The following CSMD1 variants were observed in gnomAD, a reference collection of about 807,000 sequenced individuals.
The protein encoded by CSMD1 is CUB and Sushi multiple domains 1, also known as CUB and sushi domain-containing protein 1.
In CSMD1, 213 loss-of-function variants were observed where a neutral mutation model predicts 417.5. The observed-to-expected ratio is 0.51, with a 90% CI of 0.46 to 0.57. The LOEUF (loss-of-function observed/expected upper bound fraction) is 0.57. Among genes scored for constraint, CSMD1 ranks in the 20% least tolerant of loss-of-function variants. The pLI, the probability that CSMD1 is intolerant of heterozygous loss-of-function variation, is 0.00. For missense variants in CSMD1, 6,923 were observed against 4,529.7 expected, an observed-to-expected ratio of 1.53 and a Z score of -15.17; for synonymous variants, 2,862 against 1,736.8, an observed-to-expected ratio of 1.65 and a Z score of -16.11.
chr8:3,299,804 AT>A (rs1269983983), intron 25 of CSMD1, among the ~76,000 whole-genome samples: 2 of 151,996 alleles, frequency 1.3e-5, no homozygotes, highest in Non-Finnish European at 2.9e-5. Context: ...TGTTTGGAAT[AT>A]TTTTTTTCTG....
At chr8:3,905,833 C>T (rs1808070982) in intron 5 of CSMD1, among the ~76,000 whole-genome samples, 1 of 152,182 alleles carries the variant, frequency 6.6e-6, no homozygotes, top group African/African-American at 2.4e-5. Context: ...CTGGGCCTGG[C>T]ATTCTAGTTC....
intron 9 of CSMD1, among the ~76,000 whole-genome samples, chr8:3,583,272 A>G (rs1800458429): frequency 6.6e-6 from 1 of 151,894 alleles, no homozygotes; most frequent in African/African-American, 2.4e-5. Context: ...AACTGCTTGG[A>G]CATGAGGTGT....
At chr8:3,318,314 C>T (rs1043784468) in intron 23 of CSMD1, among the ~76,000 whole-genome samples, 9 of 152,106 alleles carry the variant, frequency 5.9e-5, no homozygotes, top group African/African-American at 2.2e-4. Context: ...CTGTAGTTCT[C>T]TAATTGAGAA....
intron 2 of CSMD1, among the ~76,000 whole-genome samples, chr8:4,547,911 A>G (rs961312576): frequency 6.6e-6 from 1 of 152,224 alleles, no homozygotes; most frequent in African/African-American, 2.4e-5. Flanking sequence ...ATGACAAAAT[A>G]AAGGCCGAGA....
chr8:2,965,924 G>T lies in CSMD1; in HGVS notation c.9131C>A (p.Ala3044Glu), dbSNP rs1391496203. The T allele has an allele frequency of 1.7e-5, 27 of 1,608,936 alleles. No homozygotes were observed. The highest frequency in any genetic ancestry group is 2.1e-5 in the Non-Finnish European group (25 of 1,177,730). Residue 3044 changes from alanine (A) to glutamate (E), a missense_variant, in exon 59 of 70, where the codon GCA becomes GAA. Physicochemically the swap from Ala to Glu is moderately radical, Grantham distance 107 (BLOSUM62 -1). Coordinates refer to ENST00000635120, the MANE Select transcript of CSMD1 (RefSeq NM_033225.6). The stretch of plus-strand genomic sequence containing the variant: ...GTCGGTCCCAAACTGGATGCCATTT[G>T]CTAGTGTGCCTGGATCCCCACAACT... ...IISCGDPGTL[A>E]NGIQFGTDFT...
intron 5 of CSMD1, among the ~76,000 whole-genome samples, chr8:3,976,130 G>A (rs572144074): frequency 5.2e-4 from 79 of 151,914 alleles, no homozygotes; most frequent in African/African-American, 1.8e-3. Context: ...TACCTATATA[G>A]TAGAAATTCT....
chr8:4,868,581 T>A (rs1158324309), intron 1 of CSMD1, among the ~76,000 whole-genome samples: 1 of 152,060 alleles, frequency 6.6e-6, no homozygotes, highest in East Asian at 1.9e-4. Context: ...AAACCAATCA[T>A]TTTCATTCGT....
At position 4,757,048 on chromosome 8, in the gene CSMD1, G is replaced by C. The variant is rs144487861; in HGVS notation, c.86-119490C>G. On this transcript the variant is annotated intron_variant, in intron 1 of 69. Coordinates refer to ENST00000635120, the MANE Select transcript of CSMD1 (RefSeq NM_033225.6). ...CTTATACAATATGCAGGAATGCATTGTGTTTAAGAAACTGAAACAGAAATG... is the reference window on the plus strand; with the variant it reads ...CTTATACAATATGCAGGAATGCATTCTGTTTAAGAAACTGAAACAGAAATG... Among the ~76,000 whole-genome samples, 450 of 152,330 alleles carry C rather than the reference G, an allele frequency of 3.0e-3. 4 individuals carry two copies. Among genetic ancestry groups the C allele is most frequent in the African/African-American group, 0.01 (435 of 41,578 alleles).
intron 2 of CSMD1, among the ~76,000 whole-genome samples, chr8:4,459,314 T>C (rs947439785): frequency 2.0e-5 from 3 of 152,220 alleles, no homozygotes; most frequent in Non-Finnish European, 4.4e-5. Flanking sequence ...GTGAAGGTTC[T>C]ATGCCACCAG....
chr8:3,398,103 A>G (rs1030129363), intron 16 of CSMD1, among the ~76,000 whole-genome samples: 1 of 152,194 alleles, frequency 6.6e-6, no homozygotes, highest in African/African-American at 2.4e-5. Context: ...ATCTTCCTTC[A>G]GGCAACTGAA....
At chr8:4,447,344 T>C (rs189559018) in intron 2 of CSMD1, among the ~76,000 whole-genome samples, 2 of 152,292 alleles carry the variant, frequency 1.3e-5, no homozygotes, top group African/African-American at 4.8e-5. Context: ...TCATTCAAAA[T>C]GCTATACAAG....
At chr8:4,453,693 G>A (rs1458863586) in intron 2 of CSMD1, among the ~76,000 whole-genome samples, 3 of 151,958 alleles carry the variant, frequency 2.0e-5, no homozygotes, top group African/African-American at 4.8e-5. Context: ...GACCATGCCT[G>A]CTTGGGTATG....
At chr8:3,828,346 A>C (rs1802173519) in intron 5 of CSMD1, among the ~76,000 whole-genome samples, 1 of 152,214 alleles carries the variant, frequency 6.6e-6, no homozygotes, top group South Asian at 2.1e-4. Context: ...TCTATAATTA[A>C]GAATCTGTTA....
chr8:4,582,687 C>T (rs893964793), intron 2 of CSMD1, among the ~76,000 whole-genome samples: 10 of 152,232 alleles, frequency 6.6e-5, no homozygotes, highest in African/African-American at 1.7e-4. Context: ...AGCCCTCGCT[C>T]GCTCTCGGCG....
intron 12 of CSMD1, among the ~76,000 whole-genome samples, chr8:3,415,739 G>T (rs1028505150): frequency 2.0e-5 from 3 of 152,308 alleles, no homozygotes; most frequent in East Asian, 1.9e-4. Context: ...AGAATCTGAT[G>T]AAGCTCAGTC....
At chr8:3,724,928 G>C (rs373980920) in intron 6 of CSMD1, among the ~76,000 whole-genome samples, 1 of 152,164 alleles carries the variant, frequency 6.6e-6, no homozygotes, top group African/African-American at 2.4e-5. Flanking sequence ...GCCCCACTAT[G>C]TACAAATTCT....
intron 8 of CSMD1, among the ~76,000 whole-genome samples, chr8:3,606,439 C>A (rs1186284083): frequency 6.6e-6 from 1 of 151,944 alleles, no homozygotes; most frequent in Non-Finnish European, 1.5e-5. Context: ...TCTAAGTATA[C>A]CTAAACATAG....
At chr8:4,743,527 T>C (rs767248527) in intron 1 of CSMD1, among the ~76,000 whole-genome samples, 41 of 152,312 alleles carry the variant, frequency 2.7e-4, no homozygotes, top group South Asian at 2.1e-4. Context: ...GTTCATGATG[T>C]TCTTTCCAAG....
chr8:4,111,497 T>A (rs150448747), intron 3 of CSMD1, among the ~76,000 whole-genome samples: 1 of 152,138 alleles, frequency 6.6e-6, no homozygotes, highest in Non-Finnish European at 1.5e-5. Flanking sequence ...CTATCCACAA[T>A]AGCAAAGACA....
Sources: gnomAD v4.1 joint callset for allele counts (sites outside exome capture counted in the v4.1 genomes callset) on GRCh38, gnomAD v4.1.1 for gene constraint, MANE v1.5 for transcripts, NCBI Gene and HGNC (gene_info 2026-07-23, HGNC 2026-07-21) for gene names.